The following PHACTR1 variants were observed in gnomAD, a reference collection of about 807,000 sequenced individuals.
PHACTR1 encodes RPEL repeat containing 1.
A neutral mutation model predicts 69.2 loss-of-function variants in PHACTR1; 16 were observed. That is an observed-to-expected ratio of 0.23 (90% CI 0.16 to 0.35). The LOEUF is 0.35. PHACTR1 is among the 10% of genes least tolerant of loss of function. The pLI is 1.00. For synonymous variants in PHACTR1, 312 were observed against 284.5 expected (o/e 1.10, Z -0.97); for missense variants, 510 against 734.7 (o/e 0.69, Z 3.54).
intron 4 of PHACTR1, among the ~76,000 whole-genome samples, chr6:12,961,112 T>G (rs977463159): frequency 3.3e-5 from 5 of 152,198 alleles, no homozygotes; most frequent in Non-Finnish European, 7.3e-5. Flanking sequence ...AGGTTGAGCT[T>G]CTTAGGAAAC....
intron 13 of PHACTR1, among the ~76,000 whole-genome samples, chr6:13,285,391 G>A (rs751870214): frequency 2.6e-5 from 4 of 152,036 alleles, no homozygotes; most frequent in East Asian, 1.9e-4. Flanking sequence ...AGCAAGTATC[G>A]GCCATAGACA....
At chr6:13,199,169 C>T (rs1314334305) in intron 7 of PHACTR1, among the ~76,000 whole-genome samples, 1 of 152,018 alleles carries the variant, frequency 6.6e-6, no homozygotes, top group Non-Finnish European at 1.5e-5. Flanking sequence ...AGGTGGATCA[C>T]GAGGTCAGGA....
chr6:13,166,561 A>G (rs1429987964), intron 6 of PHACTR1, among the ~76,000 whole-genome samples: 1 of 152,222 alleles, frequency 6.6e-6, no homozygotes. Context: ...CCAGAATACT[A>G]AGAACACTGA....
At chr6:13,164,383 C>G (rs1302175511) in intron 6 of PHACTR1, among the ~76,000 whole-genome samples, 1 of 152,144 alleles carries the variant, frequency 6.6e-6, no homozygotes, top group Non-Finnish European at 1.5e-5. Context: ...GGTCATTCCT[C>G]ATTTTGCACC....
chr6:12,956,490 G>A (rs530161894), intron 4 of PHACTR1, among the ~76,000 whole-genome samples: 16 of 152,280 alleles, frequency 1.1e-4, no homozygotes, highest in Non-Finnish European at 2.1e-4. Flanking sequence ...TAGGACAGGC[G>A]TGGCTTCAAA....
chr6:13,017,573 T>C (rs1800376682), intron 4 of PHACTR1, among the ~76,000 whole-genome samples: 3 of 152,154 alleles, frequency 2.0e-5, no homozygotes, highest in South Asian at 4.1e-4. Flanking sequence ...GCTGAACTTA[T>C]ATTAAAAGTT....
intron 4 of PHACTR1, among the ~76,000 whole-genome samples, chr6:13,005,349 T>C (rs1307641790): frequency 6.6e-6 from 1 of 152,162 alleles, no homozygotes; most frequent in Non-Finnish European, 1.5e-5. Flanking sequence ...CATGCATCCA[T>C]ACAACATACA....
At chr6:12,904,550 A>G (rs1209595667) in intron 4 of PHACTR1, among the ~76,000 whole-genome samples, 1 of 151,748 alleles carries the variant, frequency 6.6e-6, no homozygotes, top group Non-Finnish European at 1.5e-5. Context: ...AAAAAAAAAA[A>G]GTGAAGAAAG....
At position 13,283,684 on chromosome 6, in the gene PHACTR1, G is replaced by C; in HGVS notation, c.1650+122G>C. ...GGCCTCAGCCGCAGTCCCCATAATG[G>C]AGTGTTGAGACCCCAACACCTTTCC... On this transcript the variant is annotated intron_variant, in intron 13 of 14. Coordinates refer to ENST00000332995, the MANE Select transcript of PHACTR1 (RefSeq NM_030948.6). This position sits in a 1 kb window ranked among gnomAD's most constrained non-coding sequence, Gnocchi z 4.7. The C allele has an allele frequency of 6.9e-7, 1 of 1,449,604 alleles. No homozygotes were observed. Among genetic ancestry groups the C allele is most frequent in the Non-Finnish European group, 9.6e-7 (1 of 1,045,180 alleles). The allele number at this position is 1,449,604 out of a possible 1,614,324, so 89.8% of individuals were successfully genotyped here. A position where few individuals can be genotyped will look rare whatever the true frequency, so the allele number is the denominator to read the frequency against.
intron 10 of PHACTR1, among the ~76,000 whole-genome samples, chr6:13,233,792 C>T (rs1771586857): frequency 6.6e-6 from 1 of 152,184 alleles, no homozygotes; most frequent in African/African-American, 2.4e-5. Context: ...CAACTAGGGA[C>T]AGAAAGACAA....
At chr6:12,930,074 G>T (rs1402093310) in intron 4 of PHACTR1, among the ~76,000 whole-genome samples, 8 of 148,664 alleles carry the variant, frequency 5.4e-5, no homozygotes, top group Non-Finnish European at 8.9e-5. Context: ...TGGGGATCTT[G>T]CTCTGTCACC....
At chr6:13,238,919 A>G (rs1476651251) in intron 10 of PHACTR1, among the ~76,000 whole-genome samples, 1 of 152,208 alleles carries the variant, frequency 6.6e-6, no homozygotes, top group Non-Finnish European at 1.5e-5. Flanking sequence ...CACTCCAAAG[A>G]AAAAAGGAAG....
At chr6:12,785,819 A>G (rs139458200) in intron 4 of PHACTR1, among the ~76,000 whole-genome samples, 21 of 152,230 alleles carry the variant, frequency 1.4e-4, no homozygotes, top group African/African-American at 4.8e-4. Flanking sequence ...TACTCACATT[A>G]TATTCATTAT....
At position 12,929,322 on chromosome 6, in the gene PHACTR1, C is replaced by T. The variant is rs150363269; in HGVS notation, c.251-124043C>T. Among the ~76,000 whole-genome samples the T allele has an allele frequency of 2.1e-3, 314 of 152,208 alleles. 9 individuals carry two copies. In the East Asian group the frequency reaches 0.052, roughly 25 times the overall value. On this transcript the variant is annotated intron_variant, in intron 4 of 14. Transcript: ENST00000332995. ...ACTCCTCCTACCTACTCCCTTGCTT[C>T]GAGAGCGTTTATCTAGTAAGTCACG...
chr6:13,121,628 G>T (rs1211181611), intron 5 of PHACTR1, among the ~76,000 whole-genome samples: 2 of 152,174 alleles, frequency 1.3e-5, no homozygotes, highest in African/African-American at 4.8e-5. Context: ...GCAACGGAGA[G>T]ACATGAAAGG....
intron 4 of PHACTR1, among the ~76,000 whole-genome samples, chr6:12,750,085 C>T (rs1372323649): frequency 6.6e-6 from 1 of 152,148 alleles, no homozygotes; most frequent in Admixed American, 6.5e-5. Flanking sequence ...GAGCCCGGGC[C>T]GCGCGCCCAT....
rs2280984 is a variant in PHACTR1 at position 13,273,128 on chromosome 6, C to T, written c.1447+213C>T. 3.4e-4 allele frequency: 212 copies of T among 620,296 alleles called. 1 individual carries two copies. In the East Asian group the frequency reaches 4.0e-3, roughly 12 times the overall value. The allele number at this position is 620,296 out of a possible 1,614,324, so 38.4% of individuals were successfully genotyped here. Reference sequence around the variant, plus strand: ...TTCCACTTTATTCTTTAGAAGCTCACGGGCGGCAGGCAGAACCTTCCTTTT... The same window carrying T: ...TTCCACTTTATTCTTTAGAAGCTCATGGGCGGCAGGCAGAACCTTCCTTTT... On this transcript the variant is annotated intron_variant, in intron 11 of 14. Transcript: ENST00000332995.
chr6:13,001,071 G>A (rs979830837), intron 4 of PHACTR1, among the ~76,000 whole-genome samples: 1 of 152,144 alleles, frequency 6.6e-6, no homozygotes, highest in African/African-American at 2.4e-5. Flanking sequence ...TGATTCCTAG[G>A]AAAGGTTTAT....
At chr6:13,236,949 A>G (rs1481415326) in intron 10 of PHACTR1, among the ~76,000 whole-genome samples, 1 of 152,196 alleles carries the variant, frequency 6.6e-6, no homozygotes, top group Non-Finnish European at 1.5e-5. Flanking sequence ...GGCGAAATGA[A>G]AAGTCCACCC....
Sources: gnomAD v4.1 joint callset for allele counts (sites outside exome capture counted in the v4.1 genomes callset) on GRCh38, gnomAD v4.1.1 for gene constraint, Gnocchi (gnomAD v3.1) non-coding constraint, MANE v1.5 for transcripts, NCBI Gene and HGNC (gene_info 2026-07-23, HGNC 2026-07-21) for gene names.